Variants in PPP3R1 observed in about 807,000 individuals in gnomAD.
PPP3R1 encodes calcineurin subunit B type 1.
In PPP3R1, 5 loss-of-function variants were observed where a neutral mutation model predicts 22.6. The ratio of observed to expected loss-of-function variants is 0.22; its 90% CI spans 0.12 to 0.46. The LOEUF (loss-of-function observed/expected upper bound fraction) is 0.46. Among genes scored for constraint, PPP3R1 ranks in the 20% least tolerant of loss-of-function variants. The pLI is 0.99. For missense variants in PPP3R1, 61 were observed against 203.2 expected (o/e 0.30, Z 4.25); for synonymous variants, 56 against 65.2 (o/e 0.86, Z 0.68).
At chr2:68,197,012 A>G (rs572700894) in intron 2 of PPP3R1, among the ~76,000 whole-genome samples, 6 of 152,360 alleles carry the variant, frequency 3.9e-5, no homozygotes, top group African/African-American at 1.4e-4. Flanking sequence ...GGTGTGAGGC[A>G]CAACGCCTGG....
At chr2:68,197,474 G>A (rs1448905831) in intron 2 of PPP3R1, among the ~76,000 whole-genome samples, 1 of 146,828 alleles carries the variant, frequency 6.8e-6, no homozygotes, top group African/African-American at 2.4e-5. Context: ...ATATTAATGT[G>A]TATTTCTGTA....
intron 2 of PPP3R1, among the ~76,000 whole-genome samples, chr2:68,209,170 A>G (rs1669411834): frequency 6.7e-6 from 1 of 149,666 alleles, no homozygotes; most frequent in Non-Finnish European, 1.5e-5. Flanking sequence ...CATCCCGGCT[A>G]AAACGGTGAA....
intron 2 of PPP3R1, among the ~76,000 whole-genome samples, chr2:68,206,338 G>A (rs183007357): frequency 7.2e-5 from 11 of 152,334 alleles, no homozygotes; most frequent in Admixed American, 5.9e-4. Context: ...AGGGAGGCCT[G>A]ATACTGAAGG....
At chr2:68,184,017 G>A (rs1305490208) in intron 5 of PPP3R1, among the ~76,000 whole-genome samples, 1 of 152,202 alleles carries the variant, frequency 6.6e-6, no homozygotes, top group Admixed American at 6.5e-5. Context: ...CAAGGGCACA[G>A]ATGCCAATAT....
chr2:68,191,706 T>TTAATGTATATAAATATATACATTATA (rs1674672273), intron 2 of PPP3R1, among the ~76,000 whole-genome samples: 1 of 152,220 alleles, frequency 6.6e-6, no homozygotes, highest in Non-Finnish European at 1.5e-5. Flanking sequence ...ATGTAGCACA[T>TTAATGTATATAAATATATACATTATA]TAATGTATAT....
chr2:68,229,757 T>G (rs1461213440), intron 1 of PPP3R1, among the ~76,000 whole-genome samples: 2 of 152,162 alleles, frequency 1.3e-5, no homozygotes, highest in African/African-American at 4.8e-5. Context: ...TCCTTCCTTT[T>G]ACTTTCAACA....
At chr2:68,246,050 T>C (rs1670230259) in intron 1 of PPP3R1, among the ~76,000 whole-genome samples, 1 of 150,170 alleles carries the variant, frequency 6.7e-6, no homozygotes, top group South Asian at 2.1e-4. Flanking sequence ...CCCTTTTTAC[T>C]GACTTTTTCT....
At chr2:68,250,712 T>C (rs1425124241) in intron 1 of PPP3R1, among the ~76,000 whole-genome samples, 1 of 152,248 alleles carries the variant, frequency 6.6e-6, no homozygotes, top group Non-Finnish European at 1.5e-5. Context: ...AAACTTTCTC[T>C]ACACATCAAA....
intron 1 of PPP3R1, among the ~76,000 whole-genome samples, chr2:68,246,979 A>T (rs1670249285): frequency 6.6e-6 from 1 of 151,896 alleles, no homozygotes; most frequent in South Asian, 2.1e-4. Context: ...GCCCCCCAAA[A>T]CAGTCTTGCT....
chr2:68,228,049 G>A (rs1421998169), intron 1 of PPP3R1, among the ~76,000 whole-genome samples: 1 of 152,154 alleles, frequency 6.6e-6, no homozygotes, highest in Admixed American at 6.5e-5. Context: ...TACAGAGAAA[G>A]TACTGTCTTT....
intron 2 of PPP3R1, among the ~76,000 whole-genome samples, chr2:68,197,143 C>A (rs1674795499): frequency 6.6e-6 from 1 of 152,178 alleles, no homozygotes; most frequent in Admixed American, 6.5e-5. Flanking sequence ...AGCATCACTA[C>A]CATCAAGATA....
intron 1 of PPP3R1, among the ~76,000 whole-genome samples, chr2:68,236,111 A>G (rs141738693): frequency 2.0e-5 from 3 of 151,024 alleles, no homozygotes; most frequent in Non-Finnish European, 4.4e-5. Flanking sequence ...ATTTTGAGAA[A>G]CTCCCCCTTT....
intron 2 of PPP3R1, among the ~76,000 whole-genome samples, chr2:68,214,033 A>G (rs1669531884): frequency 6.6e-6 from 1 of 152,194 alleles, no homozygotes; most frequent in Admixed American, 6.5e-5. Context: ...GACAAAAACA[A>G]GCAGTGCAGA....
intron 2 of PPP3R1, among the ~76,000 whole-genome samples, chr2:68,209,358 C>T (rs7576579): frequency 2.4e-5 from 1 of 41,680 alleles, no homozygotes; most frequent in Non-Finnish European, 4.3e-5. Context: ...GACTCTGTCT[C>T]AAAAAAAAAA....
At chr2:68,204,740 G>A (rs978423320) in intron 2 of PPP3R1, among the ~76,000 whole-genome samples, 3 of 152,192 alleles carry the variant, frequency 2.0e-5, no homozygotes, top group South Asian at 2.1e-4. Flanking sequence ...AACAAATGGG[G>A]TGACTAGTAA....
At chr2:68,247,991 C>T (rs1406053276) in intron 1 of PPP3R1, among the ~76,000 whole-genome samples, 1 of 152,096 alleles carries the variant, frequency 6.6e-6, no homozygotes, top group Non-Finnish European at 1.5e-5. Flanking sequence ...CATTCTCCTG[C>T]TTGAAAATAA....
intron 1 of PPP3R1, among the ~76,000 whole-genome samples, chr2:68,236,622 T>A (rs1251908942): frequency 6.6e-6 from 1 of 152,118 alleles, no homozygotes; most frequent in Non-Finnish European, 1.5e-5. Context: ...CAGTATAACA[T>A]CAGAAGCCAG....
intron 1 of PPP3R1, among the ~76,000 whole-genome samples, chr2:68,234,270 G>A (rs1669974726): frequency 6.6e-6 from 1 of 152,044 alleles, no homozygotes; most frequent in Non-Finnish European, 1.5e-5. Flanking sequence ...GTGAACCTGG[G>A]AGGCGGAACT....
intron 2 of PPP3R1, among the ~76,000 whole-genome samples, chr2:68,196,926 T>C (rs1189531979): frequency 6.6e-6 from 1 of 152,136 alleles, no homozygotes; most frequent in Non-Finnish European, 1.5e-5. Flanking sequence ...AATTTCACCA[T>C]GTTGGCCAGT....
Sources: gnomAD v4.1 joint callset for allele counts (sites outside exome capture counted in the v4.1 genomes callset) on GRCh38, gnomAD v4.1.1 for gene constraint, MANE v1.5 for transcripts, NCBI Gene and HGNC (gene_info 2026-07-23, HGNC 2026-07-21) for gene names.